Variants in FANCC observed in about 807,000 individuals in gnomAD.
FANCC encodes FA complementation group C.
FANCC carries 55 observed loss-of-function variants against 71.3 expected under a neutral mutation model. That is an observed-to-expected ratio of 0.77 (90% CI 0.62 to 0.97). FANCC has a LOEUF of 0.97. Ranked by LOEUF, FANCC falls within the 50% of genes least tolerant of loss-of-function variation. FANCC has a pLI of 0.00. For missense variants in FANCC, 678 were observed against 670.9 expected (o/e 1.01, Z -0.12); for synonymous variants, 275 against 244.9 (o/e 1.12, Z -1.15).
At position 95,100,047 on chromosome 9, in the gene FANCC, C is replaced by G. The variant is rs2071024824; in HGVS notation, c.*1660G>C. The G allele has an allele frequency of 8.6e-6, 2 of 232,282 alleles. No homozygotes were observed. Among genetic ancestry groups the G allele is most frequent in the Non-Finnish European group, 1.7e-5 (2 of 117,492 alleles). 14.4% of individuals were successfully genotyped at this position (232,282 alleles called of 1,614,324 possible). A position where few individuals can be genotyped will look rare whatever the true frequency, so the allele number is the denominator to read the frequency against. On this transcript the variant is annotated 3_prime_UTR_variant, in exon 15 of 15. Transcript: ENST00000289081. ...GCTGCCACCATGTCCACAGAGGAGTCACAGCTTCCATGGCCCAGCCACAAG... is the reference window on the plus strand; with the variant it reads ...GCTGCCACCATGTCCACAGAGGAGTGACAGCTTCCATGGCCCAGCCACAAG...
intron 1 of FANCC, among the ~76,000 whole-genome samples, chr9:95,251,719 T>C (rs1831341361): frequency 2.6e-5 from 4 of 152,220 alleles, no homozygotes; most frequent in African/African-American, 9.7e-5. Context: ...TTTATAAATA[T>C]AATAATAGTT....
At chr9:95,188,729 C>A (rs900889228) in intron 4 of FANCC, among the ~76,000 whole-genome samples, 1 of 152,126 alleles carries the variant, frequency 6.6e-6, no homozygotes, top group African/African-American at 2.4e-5. Context: ...TTACTTCCTG[C>A]AGTTTCCTGT....
intron 4 of FANCC, among the ~76,000 whole-genome samples, chr9:95,217,820 G>A (rs949801647): frequency 6.6e-6 from 1 of 151,958 alleles, no homozygotes; most frequent in Non-Finnish European, 1.5e-5. Flanking sequence ...CCAAAACCTG[G>A]CTATTTAAAA....
At chr9:95,270,183 AC>A in intron 1 of FANCC, among the ~76,000 whole-genome samples, 3 of 152,292 alleles carry the variant, frequency 2.0e-5, no homozygotes, top group Admixed American at 2.0e-4. Context: ...GCTTTTCCCC[AC>A]AATTATATGT....
At chr9:95,101,899 A>G in intron 14 of FANCC, 49 bp from the exon 15 acceptor site, 3 of 1,610,736 alleles carry the variant, frequency 1.9e-6, no homozygotes, top group Non-Finnish European at 2.5e-6. Flanking sequence ...TTCCAGACAG[A>G]TTTGTCCTTT....
In FANCC at chr9:95,172,154, A is replaced by T; in HGVS notation, c.346-7T>A. Reference sequence around the variant, plus strand: ...GTATATGAGATAATACACCCTAAAAAACATAAACAGAAAAAGTTAACTTCT... The same window carrying T: ...GTATATGAGATAATACACCCTAAAATACATAAACAGAAAAAGTTAACTTCT... On this transcript the variant is annotated splice_polypyrimidine_tract_variant and splice_region_variant and intron_variant, in intron 4 of 14. Coordinates refer to ENST00000289081, the MANE Select transcript of FANCC (RefSeq NM_000136.3). 1 of 1,568,670 alleles carries T rather than the reference A, an allele frequency of 6.4e-7. No individual in the cohort carries two copies. The highest frequency in any genetic ancestry group is 8.8e-7 in the Non-Finnish European group (1 of 1,140,474).
chr9:95,123,062 G>A (rs1045884244), intron 10 of FANCC, among the ~76,000 whole-genome samples: 1 of 152,198 alleles, frequency 6.6e-6, no homozygotes, highest in Non-Finnish European at 1.5e-5. Context: ...AGCACCTTGG[G>A]AGGGCAAGGT....
At chr9:95,315,697 T>C (rs1206861758) in intron 1 of FANCC, among the ~76,000 whole-genome samples, 1 of 152,226 alleles carries the variant, frequency 6.6e-6, no homozygotes, top group Non-Finnish European at 1.5e-5. Flanking sequence ...TAAAAATCAT[T>C]TGGTGCTCAT....
chr9:95,112,245 C>T (rs901241480), intron 12 of FANCC, among the ~76,000 whole-genome samples: 1 of 152,192 alleles, frequency 6.6e-6, no homozygotes, highest in African/African-American at 2.4e-5. Context: ...TGTGCAGTGC[C>T]GGTCTCAGCA....
chr9:95,168,719 C>T (rs189287765), intron 6 of FANCC, among the ~76,000 whole-genome samples: 10 of 152,200 alleles, frequency 6.6e-5, no homozygotes, highest in South Asian at 6.2e-4. Flanking sequence ...AGTAGAGATG[C>T]GGTTTTGACA....
At chr9:95,310,813 A>C (rs753580621) in intron 1 of FANCC, among the ~76,000 whole-genome samples, 1 of 152,236 alleles carries the variant, frequency 6.6e-6, no homozygotes, top group Non-Finnish European at 1.5e-5. Context: ...ATGCAGTTAT[A>C]TAATAAAAAA....
At chr9:95,284,644 C>T (rs2136281764) in intron 1 of FANCC, among the ~76,000 whole-genome samples, 1 of 152,144 alleles carries the variant, frequency 6.6e-6, no homozygotes, top group African/African-American at 2.4e-5. Flanking sequence ...ATATCACTAG[C>T]ATACTGGGTT....
At chr9:95,193,673 G>C (rs1248813608) in intron 4 of FANCC, among the ~76,000 whole-genome samples, 1 of 152,194 alleles carries the variant, frequency 6.6e-6, no homozygotes, top group Non-Finnish European at 1.5e-5. Flanking sequence ...TGGTGCAAAA[G>C]TAACTGCGGT....
chr9:95,302,254 C>T (rs1285412233), intron 1 of FANCC, among the ~76,000 whole-genome samples: 2 of 152,114 alleles, frequency 1.3e-5, no homozygotes, highest in Admixed American at 6.5e-5. Flanking sequence ...GGGTCACTGG[C>T]CAACCCTAGT....
intron 1 of FANCC, among the ~76,000 whole-genome samples, chr9:95,311,709 C>CTTTGTG (rs147036059): frequency 1.6e-4 from 23 of 144,494 alleles, no homozygotes; most frequent in African/African-American, 5.6e-4. Flanking sequence ...TCCTCTGAAT[C>CTTTGTG]TGTGTGTGTG....
chr9:95,150,620 G>A (rs1341049567), intron 6 of FANCC, among the ~76,000 whole-genome samples: 3 of 152,156 alleles, frequency 2.0e-5, no homozygotes, highest in Admixed American at 6.5e-5. Context: ...AACAGTTCCA[G>A]CACCCCTTTA....
rs117545663 is a variant in FANCC, at chr9:95,104,625, C to T, written c.1533+2441G>A. 3.7e-3 allele frequency among the ~76,000 whole-genome samples: 558 copies of T among 152,268 alleles called. 15 individuals carry two copies. The East Asian group carries it at 0.05, about 14-fold the overall frequency. ...TTGAATGTGGACTGAAAGTTTCCTC[C>T]GAGTAGATGGAAACATGGCATCAGG... is the stretch of plus-strand genomic sequence containing the variant. On this transcript the variant is annotated intron_variant, in intron 14 of 14. Coordinates refer to ENST00000289081, the MANE Select transcript of FANCC (RefSeq NM_000136.3).
intron 7 of FANCC, among the ~76,000 whole-genome samples, chr9:95,146,722 T>C (rs1279977826): frequency 2.0e-5 from 3 of 151,924 alleles, no homozygotes; most frequent in Non-Finnish European, 2.9e-5. Context: ...TTTCAAACAC[T>C]GCAGACAGAG....
intron 7 of FANCC, among the ~76,000 whole-genome samples, chr9:95,136,236 T>A (rs544572821): frequency 1.2e-3 from 175 of 150,572 alleles, no homozygotes; most frequent in Non-Finnish European, 1.7e-3. Flanking sequence ...CAAAAAAAAA[T>A]TTTTTTTTTA....
Sources: gnomAD v4.1 joint callset for allele counts (sites outside exome capture counted in the v4.1 genomes callset) on GRCh38, gnomAD v4.1.1 for gene constraint, MANE v1.5 for transcripts, NCBI Gene and HGNC (gene_info 2026-07-23, HGNC 2026-07-21) for gene names.